UBE3D: variants seen among roughly 807,000 people sequenced by gnomAD.
UBE3D encodes ubiquitin protein ligase E3D.
In UBE3D, 48 loss-of-function variants were observed where a neutral mutation model predicts 49.6. The ratio of observed to expected loss-of-function variants is 0.97; its 90% confidence interval spans 0.77 to 1.23. The LOEUF (loss-of-function observed/expected upper bound fraction) is 1.23. Among genes scored for constraint, UBE3D ranks in the 50% most tolerant of loss-of-function variants. UBE3D has a pLI of 0.00. For missense variants in UBE3D, 452 were observed against 468.4 expected, an observed-to-expected ratio of 0.96 and a Z score of 0.32; for synonymous variants, 189 against 174.2, an observed-to-expected ratio of 1.08 and a Z score of -0.67.
intron 2 of UBE3D, among the ~76,000 whole-genome samples, chr6:83,055,461 A>G (rs952909305): frequency 6.6e-6 from 1 of 152,218 alleles, no homozygotes; most frequent in Non-Finnish European, 1.5e-5. Context: ...AATAAACAGT[A>G]TTATTCTTTA....
chr6:82,899,105 T>C (rs914001841), intron 9 of UBE3D, among the ~76,000 whole-genome samples: 7 of 152,102 alleles, frequency 4.6e-5, no homozygotes, highest in African/African-American at 1.4e-4. Context: ...CCTGAGACAC[T>C]ACCCAGGAGG....
At chr6:82,943,878 A>G (rs996012675) in intron 9 of UBE3D, among the ~76,000 whole-genome samples, 4 of 152,144 alleles carry the variant, frequency 2.6e-5, no homozygotes, top group African/African-American at 9.7e-5. Context: ...TACAGTGGAA[A>G]GCAAAACCAA....
rs1346660255 is a variant in UBE3D, at chr6:82,960,819, C to T, written c.1011-3369G>A. 3.3e-5 allele frequency among the ~76,000 whole-genome samples: 5 copies of T among 151,976 alleles called. No individual in the cohort carries two copies. In the East Asian group the frequency reaches 7.8e-4, roughly 24 times the overall value. ...ACCTCTTACTGGCTAAAATAAATAC[C>T]TTTTCAATTTCCTCACTGACATTTG... On this transcript the variant is annotated intron_variant, in intron 8 of 9. Transcript: ENST00000369747.
At chr6:82,918,750 T>C (rs1158882472) in intron 9 of UBE3D, among the ~76,000 whole-genome samples, 1 of 151,784 alleles carries the variant, frequency 6.6e-6, no homozygotes, top group Non-Finnish European at 1.5e-5. Flanking sequence ...TCAGGCCTCC[T>C]AGATAGTATC....
At chr6:82,936,911 A>G (rs1487428314) in intron 9 of UBE3D, among the ~76,000 whole-genome samples, 1 of 152,222 alleles carries the variant, frequency 6.6e-6, no homozygotes, top group African/African-American at 2.4e-5. Context: ...TTAGCGCAGG[A>G]GGAATGAAAA....
At chr6:83,013,497 C>T (rs138799776) in intron 8 of UBE3D, among the ~76,000 whole-genome samples, 149 of 152,312 alleles carry the variant, frequency 9.8e-4, no homozygotes, top group African/African-American at 3.5e-3. Flanking sequence ...GGACCTGTTG[C>T]AGAGCCTTCT....
chr6:82,948,200 A>G (rs1422636215), intron 9 of UBE3D, among the ~76,000 whole-genome samples: 2 of 152,028 alleles, frequency 1.3e-5, no homozygotes, highest in African/African-American at 2.4e-5. Context: ...AGGAGAAATT[A>G]CAACTGATAC....
intron 3 of UBE3D, among the ~76,000 whole-genome samples, chr6:83,044,904 T>C (rs1366309793): frequency 6.6e-6 from 1 of 152,232 alleles, no homozygotes; most frequent in Non-Finnish European, 1.5e-5. Flanking sequence ...TGACAGTGTA[T>C]TTCTTTGCCA....
chr6:83,013,079 A>T (rs967311520), intron 8 of UBE3D, among the ~76,000 whole-genome samples: 3 of 152,092 alleles, frequency 2.0e-5, no homozygotes, highest in African/African-American at 7.2e-5. Context: ...CATGTAACTT[A>T]CTTGTGCCTT....
intron 9 of UBE3D, among the ~76,000 whole-genome samples, chr6:82,953,241 G>A (rs776823768): frequency 1.3e-5 from 2 of 152,152 alleles, no homozygotes; most frequent in African/African-American, 2.4e-5. Flanking sequence ...ACAAAAGTTG[G>A]GCATCATTCC....
intron 9 of UBE3D, among the ~76,000 whole-genome samples, chr6:82,945,483 C>A (rs1167815141): frequency 1.3e-5 from 2 of 152,142 alleles, no homozygotes; most frequent in Admixed American, 6.5e-5. Flanking sequence ...TGACTTAGAT[C>A]ACAACACCCA....
rs1300270727 is a variant in UBE3D at position 83,065,782 on chromosome 6, C to T, written c.-64G>A. The T allele has an allele frequency of 6.6e-7, 1 of 1,511,246 alleles. No homozygotes were observed. The highest frequency in any genetic ancestry group is 9.0e-7 in the Non-Finnish European group (1 of 1,108,822). 93.6% of individuals were successfully genotyped at this position (1,511,246 alleles called of 1,614,324 possible). ...TCCGAGGGGCCCGGGTCAACAGGAC[C>T]AGGAGAGGTTCCACGTGCGGACCAA... is the stretch of plus-strand genomic sequence containing the variant. On this transcript the variant is annotated 5_prime_UTR_variant, in exon 1 of 10. Coordinates refer to ENST00000369747, the MANE Select transcript of UBE3D (RefSeq NM_198920.3).
chr6:82,918,405 A>C (rs1773087743), intron 9 of UBE3D, among the ~76,000 whole-genome samples: 1 of 152,186 alleles, frequency 6.6e-6, no homozygotes. Context: ...ATAAAGGTAC[A>C]AGGTTTCTAA....
intron 8 of UBE3D, among the ~76,000 whole-genome samples, chr6:82,989,491 T>C (rs1778740510): frequency 6.6e-6 from 1 of 152,098 alleles, no homozygotes; most frequent in South Asian, 2.1e-4. Context: ...AACTTTTTTG[T>C]AAAGGGCCAG....
chr6:83,010,347 A>G (rs1467836772), intron 8 of UBE3D, among the ~76,000 whole-genome samples: 2 of 152,198 alleles, frequency 1.3e-5, no homozygotes, highest in Admixed American at 6.5e-5. Flanking sequence ...GTGAATAATT[A>G]AATTCACTAT....
intron 8 of UBE3D, among the ~76,000 whole-genome samples, chr6:82,981,786 A>C (rs987476102): frequency 1.3e-5 from 2 of 152,108 alleles, no homozygotes; most frequent in Non-Finnish European, 2.9e-5. Context: ...TTAAAAAAAA[A>C]TCTGTTGCTA....
At chr6:83,008,982 A>T (rs754141807) in intron 8 of UBE3D, among the ~76,000 whole-genome samples, 6 of 152,200 alleles carry the variant, frequency 3.9e-5, no homozygotes, top group Non-Finnish European at 8.8e-5. Context: ...TTTGGAGTTT[A>T]AAAAAACCTA....
In UBE3D at chr6:83,027,434, CAAAAAAAAAAAAAA is replaced by C. The variant is rs61225462; in HGVS notation, c.668-3410_668-3397del. On this transcript the variant is annotated intron_variant, in intron 5 of 9. Coordinates refer to ENST00000369747, the MANE Select transcript of UBE3D (RefSeq NM_198920.3). ...CTGGCGACAGAGCGAGACTCCGTCT[CAAAAAAAAAAAAAA>C]AAAAAAAAAAAAAGAAACCACTAGT... Among the ~76,000 whole-genome samples, 143 of 34,648 alleles carry C rather than the reference CAAAAAAAAAAAAAA, an allele frequency of 4.1e-3. 3 individuals are homozygous for C. Among genetic ancestry groups the C allele is most frequent in the African/African-American group, 0.014 (126 of 9,158 alleles). The allele number at this position is 34,648 out of a possible 152,430, so 22.7% of individuals were successfully genotyped here.
chr6:82,966,321 G>A (rs1776916523), intron 8 of UBE3D, among the ~76,000 whole-genome samples: 1 of 152,170 alleles, frequency 6.6e-6, no homozygotes, highest in Admixed American at 6.5e-5. Context: ...TCTGAAACTA[G>A]ATAGTGATAG....
Sources: allele counts gnomAD v4.1 joint callset (sites outside exome capture counted in the v4.1 genomes callset), GRCh38; gene constraint gnomAD v4.1.1; transcripts MANE v1.5; gene names NCBI Gene and HGNC (gene_info 2026-07-23, HGNC 2026-07-21).